PLEKHA3: variants seen among roughly 807,000 people sequenced by gnomAD.
PLEKHA3 encodes the protein pleckstrin homology domain-containing family A member 3.
In PLEKHA3, 19 loss-of-function variants were observed where a neutral mutation model predicts 39.2. That is an observed-to-expected ratio of 0.48 (90% CI 0.34 to 0.71). The LOEUF (loss-of-function observed/expected upper bound fraction) is 0.71. Among genes scored for constraint, PLEKHA3 ranks in the 30% least tolerant of loss-of-function variants. The probability of loss-of-function intolerance (pLI) is 0.01; values close to 1 mark genes in which losing one functional copy is unlikely to be tolerated. For synonymous variants in PLEKHA3, 97 were observed against 118.6 expected, an observed-to-expected ratio of 0.82 and a Z score of 1.18; for missense variants, 253 against 359.5, an observed-to-expected ratio of 0.70 and a Z score of 2.40.
At chr2:178,501,238 G>A in intron 7 of PLEKHA3, 62 bp downstream of exon 7, 1 of 1,189,540 alleles carries the variant, frequency 8.4e-7, no homozygotes, top group Non-Finnish European at 1.2e-6. Flanking sequence ...GTGGGGCTCT[G>A]TAATTTCTGG....
chr2:178,502,668 T>C (rs1685542756), intron 7 of PLEKHA3, among the ~76,000 whole-genome samples: 1 of 151,832 alleles, frequency 6.6e-6, no homozygotes. Context: ...TCTTTAGAAT[T>C]CTTTTCTTCT....
chr2:178,480,827 C>A lies in PLEKHA3; in HGVS notation c.-43C>A. 1 of 1,314,558 alleles carries A rather than the reference C, an allele frequency of 7.6e-7. No individual in the cohort carries two copies. The highest frequency in any genetic ancestry group is 9.8e-7 in the Non-Finnish European group (1 of 1,022,684). The allele number at this position is 1,314,558 out of a possible 1,614,324, so 81.4% of individuals were successfully genotyped here. ...CCCTGCGCCTACCCCATCACCGCGG[C>A]CGGCGCCGGGCCGGGAGGATGCGCG... is the stretch of plus-strand genomic sequence containing the variant. On this transcript the variant is annotated 5_prime_UTR_variant, in exon 1 of 8. Transcript: ENST00000234453.
rs1418616958 is a variant in PLEKHA3, at chr2:178,515,046, T to C, written c.*11159T>C. On this transcript the variant is annotated 3_prime_UTR_variant, in exon 8 of 8. Coordinates refer to ENST00000234453, the MANE Select transcript of PLEKHA3 (RefSeq NM_019091.4). Reference sequence around the variant, plus strand: ...TGGTCTTATAACATTCTCTCTCTTTTTTTTTTTTTTTTTTTGTAGCATATG... The same window carrying C: ...TGGTCTTATAACATTCTCTCTCTTTCTTTTTTTTTTTTTTTGTAGCATATG... 1.5e-5 allele frequency: 2 copies of C among 135,164 alleles called. No individual in the cohort carries two copies. Among genetic ancestry groups the C allele is most frequent in the African/African-American group, 6.3e-5 (2 of 31,758 alleles). 8.4% of individuals were successfully genotyped at this position (135,164 alleles called of 1,614,324 possible). A position where few individuals can be genotyped will look rare whatever the true frequency, so the allele number is the denominator to read the frequency against.
rs1685632444 is a variant in PLEKHA3, at chr2:178,508,074, TG to T, written c.*4188del. 2 of 153,360 alleles carry T rather than the reference TG, an allele frequency of 1.3e-5. No homozygotes were observed. The highest frequency in any genetic ancestry group is 4.8e-5 in the African/African-American group (2 of 41,320). The allele number at this position is 153,360 out of a possible 1,614,324, so 9.5% of individuals were successfully genotyped here. On this transcript the variant is annotated 3_prime_UTR_variant, in exon 8 of 8. Transcript: ENST00000234453. ...GGGTGTGTGTGTGTGTGTGTGTGTG[TG>T]TGTGTGTGTGTGTGATCTTTTTGAC...
chr2:178,503,837 G>A lies in PLEKHA3; in HGVS notation c.853G>A (p.Ala285Thr). ...ATIPEESRLM[A>T]KKQSESEDTL... Reference sequence around the variant, plus strand: ...CATTCCTGAAGAAAGCAGACTTATGGCCAAAAAACAATCTGAATCAGAAGA... The same window carrying A: ...CATTCCTGAAGAAAGCAGACTTATGACCAAAAAACAATCTGAATCAGAAGA... Residue 285 changes from alanine (A) to threonine (T), a missense_variant, in exon 8 of 8, where the codon GCC becomes ACC. Ala to Thr is a moderately conservative substitution (Grantham distance 58). This residue lies in a region of PLEKHA3 where 127 missense variants were observed against 136.8 expected (regional missense o/e 0.93). Transcript: ENST00000234453. The A allele has an allele frequency of 6.2e-7, 1 of 1,611,908 alleles. No individual in the cohort carries two copies. Among genetic ancestry groups the A allele is most frequent in the Non-Finnish European group, 8.5e-7 (1 of 1,178,380 alleles).
chr2:178,489,039 A>AT (rs2154127661), intron 2 of PLEKHA3: 1 of 430,334 alleles, frequency 2.3e-6, no homozygotes, highest in African/African-American at 2.1e-5. Flanking sequence ...GAGTCATCTT[A>AT]TTTTAGTTTC....
Position 178,493,799 on chromosome 2 carries a change from T to A in PLEKHA3, c.314-54T>A, listed in dbSNP as rs1425242734. The A allele has an allele frequency of 2.0e-6, 3 of 1,478,962 alleles. No homozygotes were observed. The Admixed American group carries it at 5.8e-5, about 29-fold the overall frequency. 91.6% of individuals were successfully genotyped at this position (1,478,962 alleles called of 1,614,324 possible). On this transcript the variant is annotated intron_variant, in intron 3 of 7. Transcript: ENST00000234453. The stretch of plus-strand genomic sequence containing the variant: ...TTTAAATGATTACATTTTGTTACAT[T>A]GCTCAAAGAATATGAAAATGATCTA...
rs72953365 is a variant in PLEKHA3 at position 178,481,783 on chromosome 2, A to G, written c.40+874A>G. On this transcript the variant is annotated intron_variant, in intron 1 of 7. Transcript: ENST00000234453. ...GGATGCCTTCCAACTCCAGAATTCC[A>G]TGACCTCACTAAGTGAGAAGATGGT... 556 of 145,996 alleles carry G rather than the reference A, an allele frequency of 3.8e-3. 2 individuals carry two copies. The highest frequency in any genetic ancestry group is 4.7e-3 in the Non-Finnish European group (311 of 65,716). 9.0% of individuals were successfully genotyped at this position (145,996 alleles called of 1,614,324 possible). A position where few individuals can be genotyped will look rare whatever the true frequency, so the allele number is the denominator to read the frequency against.
intron 5 of PLEKHA3, among the ~76,000 whole-genome samples, chr2:178,497,204 T>A (rs2154127882): frequency 6.6e-6 from 1 of 150,628 alleles, no homozygotes; most frequent in African/African-American, 2.4e-5. Flanking sequence ...ACAAATAAAA[T>A]AAATATATAT....
rs1685601544 is a variant in PLEKHA3, at chr2:178,506,464, A to G, written c.*2577A>G. ...ATCTTCAGTCAGGAAAAATCCAGAA[A>G]TGGATGCTATTGCTTAAACTTAAAT... On this transcript the variant is annotated 3_prime_UTR_variant, in exon 8 of 8. Transcript: ENST00000234453. The G allele has an allele frequency of 6.6e-6, 1 of 152,208 alleles. No individual in the cohort carries two copies. Among genetic ancestry groups the G allele is most frequent in the Admixed American group, 6.5e-5 (1 of 15,282 alleles). 9.4% of individuals were successfully genotyped at this position (152,208 alleles called of 1,614,324 possible). A position where few individuals can be genotyped will look rare whatever the true frequency, so the allele number is the denominator to read the frequency against.
intron 7 of PLEKHA3, among the ~76,000 whole-genome samples, chr2:178,503,155 A>G (rs1465794281): frequency 6.6e-6 from 1 of 152,044 alleles, no homozygotes; most frequent in Non-Finnish European, 1.5e-5. Context: ...TTAGAACAGG[A>G]CTATGCCAGT....
chr2:178,497,136 A>C (rs1371302972), intron 5 of PLEKHA3, among the ~76,000 whole-genome samples: 1 of 151,682 alleles, frequency 6.6e-6, no homozygotes, highest in South Asian at 2.1e-4. Flanking sequence ...GAGAGGTGGA[A>C]GTGTAGTGTA....
rs35052196 is a variant in PLEKHA3 at position 178,507,658 on chromosome 2, G to GTTTTTTTTTTTTTTTT, written c.*3792_*3807dup. On this transcript the variant is annotated 3_prime_UTR_variant, in exon 8 of 8. Coordinates refer to ENST00000234453, the MANE Select transcript of PLEKHA3 (RefSeq NM_019091.4). Reference sequence around the variant, plus strand: ...CCTTTAGTTTTTAGTCTCACATTAGGTTTTTTTTTTTTTTTTTTTTTTTTT... The same window carrying GTTTTTTTTTTTTTTTT: ...CCTTTAGTTTTTAGTCTCACATTAGGTTTTTTTTTTTTTTTTTTTTTTTTTTTTTTTTTTTTTTTTT... 2.8e-4 allele frequency: 8 copies of GTTTTTTTTTTTTTTTT among 28,818 alleles called. 2 individuals are homozygous for GTTTTTTTTTTTTTTTT. Among genetic ancestry groups the GTTTTTTTTTTTTTTTT allele is most frequent in the East Asian group, 7.7e-4 (1 of 1,298 alleles). 1.8% of individuals were successfully genotyped at this position (28,818 alleles called of 1,614,324 possible). A position where few individuals can be genotyped will look rare whatever the true frequency, so the allele number is the denominator to read the frequency against.
rs1351538304 is a variant in PLEKHA3 at position 178,515,166 on chromosome 2, G to GGATA, written c.*11280_*11283dup. 6.7e-6 allele frequency: 1 copy of GGATA among 149,654 alleles called. No individual in the cohort carries two copies. The highest frequency in any genetic ancestry group is 2.5e-5 in the African/African-American group (1 of 40,660). 9.3% of individuals were successfully genotyped at this position (149,654 alleles called of 1,614,324 possible). A position where few individuals can be genotyped will look rare whatever the true frequency, so the allele number is the denominator to read the frequency against. On this transcript the variant is annotated 3_prime_UTR_variant, in exon 8 of 8. Coordinates refer to ENST00000234453, the MANE Select transcript of PLEKHA3 (RefSeq NM_019091.4). ...TCTTTTGGGGGAGTGTGACGGCAGT[G>GGATA]GATATAGTCTTAGATGATGTTTTTA...
At chr2:178,503,237 C>G (rs1685556908) in intron 7 of PLEKHA3, among the ~76,000 whole-genome samples, 1 of 151,876 alleles carries the variant, frequency 6.6e-6, no homozygotes, top group African/African-American at 2.4e-5. Flanking sequence ...GAAATGGGAT[C>G]TTTCAGTATG....
intron 7 of PLEKHA3, 75 bp from the exon 8 acceptor site, chr2:178,503,684 AT>A: frequency 5.4e-6 from 8 of 1,471,026 alleles, no homozygotes; most frequent in Non-Finnish European, 7.4e-6. Flanking sequence ...TGAACAGGAA[AT>A]TTAAAATGTT....
In PLEKHA3 at chr2:178,513,740, T is replaced by C. The variant is rs1685720538; in HGVS notation, c.*9853T>C. ...ACCACTACTTGGTCAAAATAGAGAG[T>C]TGTGGGTTTTTTTTTTTGTTTGACA... On this transcript the variant is annotated 3_prime_UTR_variant, in exon 8 of 8. Coordinates refer to ENST00000234453, the MANE Select transcript of PLEKHA3 (RefSeq NM_019091.4). The C allele has an allele frequency of 6.6e-6, 1 of 151,828 alleles. No individual in the cohort carries two copies. Among genetic ancestry groups the C allele is most frequent in the Admixed American group, 6.6e-5 (1 of 15,244 alleles). The allele number at this position is 151,828 out of a possible 1,614,324, so 9.4% of individuals were successfully genotyped here.
chr2:178,501,139 A>G lies in PLEKHA3; in HGVS notation c.738A>G (p.Thr246=). The G allele has an allele frequency of 1.2e-6, 2 of 1,613,198 alleles. No homozygotes were observed. Among genetic ancestry groups the G allele is most frequent in the Non-Finnish European group, 8.5e-7 (1 of 1,179,332 alleles). Residue 246 remains threonine, a synonymous_variant, in exon 7 of 8, where the codon ACA becomes ACG. Transcript: ENST00000234453. ...SQRRRRTYSD[T]DSCSDIPLED... ...GACGCCGAAGAACCTACTCAGATAC[A>G]GATTCTTGTAGTGATATTCCTCTTG...
rs1410235401 is a variant in PLEKHA3, at chr2:178,514,811, T to C, written c.*10924T>C. The C allele has an allele frequency of 6.6e-6, 1 of 152,176 alleles. No individual in the cohort carries two copies. Among genetic ancestry groups the C allele is most frequent in the African/African-American group, 2.4e-5 (1 of 41,436 alleles). The allele number at this position is 152,176 out of a possible 1,614,324, so 9.4% of individuals were successfully genotyped here. On this transcript the variant is annotated 3_prime_UTR_variant, in exon 8 of 8. Transcript: ENST00000234453. ...GGAGAGAAGAGTTTGAATTCATTTGTGGTTTTGCTTTAGTGGCAAACCTCC... is the reference window on the plus strand; with the variant it reads ...GGAGAGAAGAGTTTGAATTCATTTGCGGTTTTGCTTTAGTGGCAAACCTCC...
Sources: gnomAD v4.1 joint callset for allele counts (sites outside exome capture counted in the v4.1 genomes callset) on GRCh38, gnomAD v4.1.1 for gene constraint, gnomAD v4.1.1 regional missense constraint, MANE v1.5 for transcripts, NCBI Gene and HGNC (gene_info 2026-07-23, HGNC 2026-07-21) for gene names.